CMIP: variants seen among roughly 807,000 people sequenced by gnomAD.
CMIP encodes the protein C-Maf-inducing protein.
CMIP carries 13 observed loss-of-function variants against 97.3 expected under a neutral mutation model. The ratio of observed to expected loss-of-function variants is 0.13; its 90% CI spans 0.09 to 0.21. CMIP has a LOEUF of 0.21. Among genes scored for constraint, CMIP ranks in the 10% least tolerant of loss-of-function variants. The pLI is 1.00. For synonymous variants in CMIP, 538 were observed against 436.3 expected (o/e 1.23, Z -2.91); for missense variants, 847 against 1,024.9 (o/e 0.83, Z 2.37).
intron 1 of CMIP, among the ~76,000 whole-genome samples, chr16:81,599,586 T>C (rs993142616): frequency 1.3e-5 from 2 of 152,206 alleles, no homozygotes; most frequent in South Asian, 2.1e-4. Flanking sequence ...TCTCATAATA[T>C]GTACTTGAGG....
At chr16:81,530,677 C>T (rs1354507847) in intron 1 of CMIP, among the ~76,000 whole-genome samples, 6 of 152,126 alleles carry the variant, frequency 3.9e-5, no homozygotes, top group Admixed American at 1.3e-4. Flanking sequence ...TGGGTGCCCG[C>T]GTGGCTGCTA....
At chr16:81,569,128 G>A (rs149031616) in intron 1 of CMIP, among the ~76,000 whole-genome samples, 108 of 152,204 alleles carry the variant, frequency 7.1e-4, no homozygotes, top group South Asian at 2.1e-3. Flanking sequence ...GTGCATAATC[G>A]CCCTCCTCTA....
chr16:81,697,090 C>T, intron 14 of CMIP: 1 of 216,888 alleles, frequency 4.6e-6, no homozygotes, highest in Non-Finnish European at 9.3e-6. Context: ...TTGTTTAATC[C>T]TTACAAGGAG....
chr16:81,678,071 GC>G (rs1458736747), intron 9 of CMIP, among the ~76,000 whole-genome samples: 4 of 152,236 alleles, frequency 2.6e-5, no homozygotes, highest in Non-Finnish European at 4.4e-5. Flanking sequence ...GGGTTGGGCT[GC>G]CATCCCCACC....
intron 10 of CMIP, among the ~76,000 whole-genome samples, chr16:81,681,212 A>G (rs1904841717): frequency 6.6e-6 from 1 of 152,110 alleles, no homozygotes; most frequent in Admixed American, 6.6e-5. Flanking sequence ...GCTCAACACA[A>G]TTTGGGCCTG....
At chr16:81,702,129 A>G (rs184204782) in intron 16 of CMIP, among the ~76,000 whole-genome samples, 33 of 152,300 alleles carry the variant, frequency 2.2e-4, no homozygotes, top group Admixed American at 7.2e-4. Flanking sequence ...AGGACTTTGT[A>G]TGTCCACATG....
chr16:81,524,424 A>G (rs904796637), intron 1 of CMIP, among the ~76,000 whole-genome samples: 3 of 152,270 alleles, frequency 2.0e-5, no homozygotes, highest in African/African-American at 7.2e-5. Flanking sequence ...TGTCCTAGAC[A>G]GGTGACCTTG....
intron 1 of CMIP, among the ~76,000 whole-genome samples, chr16:81,517,153 G>A (rs9745369): frequency 0.011 from 1,517 of 141,942 alleles, 25 homozygotes; most frequent in African/African-American, 0.038. Context: ...CAAGGTCATC[G>A]GTGAAACCCA....
rs755376954 is a variant in CMIP at position 81,694,651 on chromosome 16, C to G, written c.1530+1164C>G. Among the ~76,000 whole-genome samples, 5 of 152,310 alleles carry G rather than the reference C, an allele frequency of 3.3e-5. No homozygotes were observed. In the South Asian group the frequency reaches 8.3e-4, roughly 25 times the overall value. Reference sequence around the variant, plus strand: ...GGAGCTTGTTCAAAAGGCAGACCCCCCTGCCGCCGCATCCCTTCCCGGTTC... The same window carrying G: ...GGAGCTTGTTCAAAAGGCAGACCCCGCTGCCGCCGCATCCCTTCCCGGTTC... On this transcript the variant is annotated intron_variant, in intron 13 of 20. Transcript: ENST00000537098.
intron 1 of CMIP, among the ~76,000 whole-genome samples, chr16:81,594,283 A>G (rs1313604526): frequency 6.7e-6 from 1 of 150,326 alleles, no homozygotes; most frequent in Non-Finnish European, 1.5e-5. Context: ...ATGCCTGGCT[A>G]ATTGTTGTAT....
At chr16:81,525,725 C>T (rs554308505) in intron 1 of CMIP, among the ~76,000 whole-genome samples, 1 of 152,324 alleles carries the variant, frequency 6.6e-6, no homozygotes, top group Admixed American at 6.5e-5. Flanking sequence ...AGAACACTGT[C>T]ATCTTCTCAA....
intron 1 of CMIP, among the ~76,000 whole-genome samples, chr16:81,594,126 TC>T (rs1442280063): frequency 9.5e-6 from 1 of 104,846 alleles, no homozygotes; most frequent in Admixed American, 1.0e-4. Flanking sequence ...TCCCCCCTCC[TC>T]CCTTTTTTGA....
chr16:81,661,619 G>A (rs974944168), intron 6 of CMIP, among the ~76,000 whole-genome samples: 3 of 152,182 alleles, frequency 2.0e-5, no homozygotes, highest in Non-Finnish European at 2.9e-5. Flanking sequence ...CTCCTGCCAC[G>A]GTCACCCGCT....
intron 1 of CMIP, among the ~76,000 whole-genome samples, chr16:81,497,494 T>C (rs778995235): frequency 1.3e-5 from 2 of 152,182 alleles, no homozygotes; most frequent in Non-Finnish European, 2.9e-5. Context: ...CAGAAGGGTC[T>C]CTGGAAGCAA....
At chr16:81,667,791 AGAGAGAGAGTGTGTGTGTGT>A (rs1234604093) in intron 7 of CMIP, among the ~76,000 whole-genome samples, 63 of 102,878 alleles carry the variant, frequency 6.1e-4, no homozygotes, top group African/African-American at 1.9e-3. Flanking sequence ...AGAGAGAGAG[AGAGAGAGAGTGTGTGTGTGT>A]GTGTGTGTGT....
At chr16:81,581,082 C>T (rs916668690) in intron 1 of CMIP, among the ~76,000 whole-genome samples, 2 of 152,138 alleles carry the variant, frequency 1.3e-5, no homozygotes, top group East Asian at 1.9e-4. Context: ...AGGGTTCTTC[C>T]GTGTTGCAGC....
At chr16:81,462,696 G>T (rs1277475196) in intron 1 of CMIP, among the ~76,000 whole-genome samples, 1 of 152,070 alleles carries the variant, frequency 6.6e-6, no homozygotes, top group Admixed American at 6.5e-5. Context: ...GGCACTTCTT[G>T]CCCCTAAAAT....
At chr16:81,549,045 C>T (rs2090603922) in intron 1 of CMIP, among the ~76,000 whole-genome samples, 1 of 152,098 alleles carries the variant, frequency 6.6e-6, no homozygotes, top group African/African-American at 2.4e-5. Context: ...TACTCAGTTC[C>T]TGGATCTATT....
chr16:81,480,509 C>T (rs1439309495), intron 1 of CMIP, among the ~76,000 whole-genome samples: 1 of 152,202 alleles, frequency 6.6e-6, no homozygotes, highest in African/African-American at 2.4e-5. Context: ...CACTGCACTT[C>T]AGCCTGGGCG....
Sources: gnomAD v4.1 joint callset for allele counts (sites outside exome capture counted in the v4.1 genomes callset) on GRCh38, gnomAD v4.1.1 for gene constraint, MANE v1.5 for transcripts, NCBI Gene and HGNC (gene_info 2026-07-23, HGNC 2026-07-21) for gene names.